The following USP24 variants were observed in gnomAD, a reference collection of about 807,000 sequenced individuals.
USP24 encodes the protein ubiquitin carboxyl-terminal hydrolase 24.
A neutral mutation model predicts 361.6 loss-of-function variants in USP24; 97 were observed. The ratio of observed to expected loss-of-function variants is 0.27; its 90% CI spans 0.23 to 0.32. USP24 has a LOEUF of 0.32. Among genes scored for constraint, USP24 ranks in the 10% least tolerant of loss-of-function variants. The probability of loss-of-function intolerance (pLI) is 1.00; values close to 1 mark genes in which losing one functional copy is unlikely to be tolerated. For missense variants in USP24, 2,353 were observed against 3,165.6 expected (o/e 0.74, Z 6.16); for synonymous variants, 1,098 against 1,124.6 (o/e 0.98, Z 0.47).
chr1:55,203,946 C>G (rs1304689912), intron 1 of USP24, among the ~76,000 whole-genome samples: 1 of 151,984 alleles, frequency 6.6e-6, no homozygotes, highest in Non-Finnish European at 1.5e-5. Flanking sequence ...TAGCTGTTAA[C>G]TAGAGAATTA....
chr1:55,165,598 T>A (rs1245508529), intron 7 of USP24, among the ~76,000 whole-genome samples: 1 of 152,112 alleles, frequency 6.6e-6, no homozygotes, highest in African/African-American at 2.4e-5. Context: ...ACTTGCCACA[T>A]ATAGCAACCA....
At chr1:55,176,736 T>G (rs1440825485) in intron 2 of USP24, among the ~76,000 whole-genome samples, 1 of 151,998 alleles carries the variant, frequency 6.6e-6, no homozygotes, top group Non-Finnish European at 1.5e-5. Flanking sequence ...CATGTCAGAG[T>G]AACTTCAATG....
chr1:55,215,061 G>T lies in USP24; in HGVS notation c.53C>A (p.Ser18Ter). 1 of 1,459,282 alleles carries T rather than the reference G, an allele frequency of 6.9e-7. No individual in the cohort carries two copies. Among genetic ancestry groups the T allele is most frequent in the Non-Finnish European group, 9.1e-7 (1 of 1,102,160 alleles). The allele number at this position is 1,459,282 out of a possible 1,614,324, so 90.4% of individuals were successfully genotyped here. A position where few individuals can be genotyped will look rare whatever the true frequency, so the allele number is the denominator to read the frequency against. ...GGCCTTGCGGATGGTGGCGGGGTCT[G>T]AGAAGCCCATGCACAGCAGCGTGGT... ...HMTTLLCMGF[S>*]DPATIRKALR... Residue 18 changes from serine to a stop codon, truncating the protein, a stop_gained, in exon 1 of 68, where the codon TCA becomes TAA. Coordinates refer to ENST00000294383, the MANE Select transcript of USP24 (RefSeq NM_015306.3). LOFTEE classifies it high-confidence loss of function.
chr1:55,164,231 A>C (rs1648588567), intron 7 of USP24, among the ~76,000 whole-genome samples: 1 of 151,628 alleles, frequency 6.6e-6, no homozygotes, highest in Non-Finnish European at 1.5e-5. Flanking sequence ...TTAGGAGAAA[A>C]AGAGAGAGAG....
intron 2 of USP24, among the ~76,000 whole-genome samples, chr1:55,177,380 C>T (rs970462562): frequency 1.3e-5 from 2 of 152,044 alleles, no homozygotes; most frequent in African/African-American, 4.8e-5. Flanking sequence ...TTTTCAGACC[C>T]ACTGCCTAGC....
chr1:55,181,765 G>A (rs1486572465), intron 1 of USP24, among the ~76,000 whole-genome samples: 1 of 152,202 alleles, frequency 6.6e-6, no homozygotes, highest in African/African-American at 2.4e-5. Context: ...CATCATCAGT[G>A]TTAAGGACTG....
rs189914102 is a variant in USP24 at position 55,117,928 on chromosome 1, T to G, written c.4508+2668A>C. On this transcript the variant is annotated intron_variant, in intron 38 of 67. Coordinates refer to ENST00000294383, the MANE Select transcript of USP24 (RefSeq NM_015306.3). ...AATAATAAAATACTTAGGAACCAACTTAAGGAAACAAAAGACTTGTACAGT... is the reference window on the plus strand; with the variant it reads ...AATAATAAAATACTTAGGAACCAACGTAAGGAAACAAAAGACTTGTACAGT... 4.4e-4 allele frequency among the ~76,000 whole-genome samples: 67 copies of G among 152,096 alleles called. No individual in the cohort carries two copies. In the East Asian group the frequency reaches 0.012, roughly 28 times the overall value.
At chr1:55,104,184 C>T (rs1645713686) in intron 41 of USP24, among the ~76,000 whole-genome samples, 164 bp from the exon 42 acceptor site, 1 of 152,126 alleles carries the variant, frequency 6.6e-6, no homozygotes, top group Admixed American at 6.5e-5. Flanking sequence ...GTCATGAATA[C>T]AGGAGGAATT....
At chr1:55,172,252 GA>G (rs1649529251) in intron 4 of USP24, 124 bp downstream of exon 4, 3 of 929,098 alleles carry the variant, frequency 3.2e-6, no homozygotes, top group Non-Finnish European at 4.4e-6. Context: ...AAAGACAAAG[GA>G]TCCTAACAGC....
At chr1:55,206,101 T>C (rs1457718734) in intron 1 of USP24, among the ~76,000 whole-genome samples, 1 of 152,210 alleles carries the variant, frequency 6.6e-6, no homozygotes, top group Non-Finnish European at 1.5e-5. Context: ...CTCTTTCAAA[T>C]ACCATGAGAC....
chr1:55,097,306 T>TA (rs551651792), intron 48 of USP24, 134 bp from the exon 49 acceptor site: 1 of 1,135,772 alleles, frequency 8.8e-7, no homozygotes, highest in Non-Finnish European at 1.2e-6. Flanking sequence ...AGTTCAAGTA[T>TA]AAAATCTCAG....
At chr1:55,082,505 G>A (rs1378354469) in intron 58 of USP24, among the ~76,000 whole-genome samples, 2 of 152,208 alleles carry the variant, frequency 1.3e-5, no homozygotes, top group African/African-American at 4.8e-5. Flanking sequence ...AGGAGAGTTG[G>A]TTTTGGACAT....
At chr1:55,147,313 T>G (rs1317824155) in intron 18 of USP24, among the ~76,000 whole-genome samples, 1 of 152,154 alleles carries the variant, frequency 6.6e-6, no homozygotes, top group Non-Finnish European at 1.5e-5. Context: ...AATCTCAAAG[T>G]AAAACACTAC....
At chr1:55,083,413 A>C in intron 57 of USP24, 49 bp from the exon 58 acceptor site, 1 of 1,588,538 alleles carries the variant, frequency 6.3e-7, no homozygotes, top group Non-Finnish European at 8.6e-7. Context: ...TCCAGACAAA[A>C]ATTGGTTTTA....
chr1:55,158,944 T>A lies in USP24; in HGVS notation c.1161A>T (p.Arg387=). Residue 387 remains arginine (R), a synonymous_variant, in exon 10 of 68, where the codon CGA becomes CGT. Transcript: ENST00000294383. The stretch of plus-strand genomic sequence containing the variant: ...TCAGCATGCGCAATAGAATATCTAG[T>A]CGAAGGTCATCCACAATTGTCACCA... ...PDLVTIVDDL[R]LDILLRMLKS... 6.2e-7 allele frequency: 1 copy of A among 1,601,136 alleles called. No homozygotes were observed. Among genetic ancestry groups the A allele is most frequent in the East Asian group, 2.2e-5 (1 of 44,464 alleles).
chr1:55,089,594 A>T lies in USP24; in HGVS notation c.6668+33T>A, dbSNP rs780571219. ...GCTCTAAATCACTGGAAGAGACACAAATTTCTTTTAATTAAAAGACTCCAA... is the reference window on the plus strand; with the variant it reads ...GCTCTAAATCACTGGAAGAGACACATATTTCTTTTAATTAAAAGACTCCAA... On this transcript the variant is annotated intron_variant, in intron 55 of 67. Coordinates refer to ENST00000294383, the MANE Select transcript of USP24 (RefSeq NM_015306.3). 7 of 1,451,616 alleles carry T rather than the reference A, an allele frequency of 4.8e-6. 1 individual carries two copies. The Admixed American group carries it at 1.6e-4, about 32-fold the overall frequency. The allele number at this position is 1,451,616 out of a possible 1,614,324, so 89.9% of individuals were successfully genotyped here. A position where few individuals can be genotyped will look rare whatever the true frequency, so the allele number is the denominator to read the frequency against.
intron 3 of USP24, 57 bp downstream of exon 3, chr1:55,176,319 T>C (rs993483286): frequency 6.9e-7 from 1 of 1,449,550 alleles, no homozygotes; most frequent in Admixed American, 2.4e-5. Context: ...CTTCTCTTCC[T>C]TCACCCTGCC....
chr1:55,075,658 AACAACAACACCACCACC>A (rs1484267798), intron 62 of USP24, 135 bp from the exon 63 acceptor site: 165 of 491,406 alleles, frequency 3.4e-4, no homozygotes, highest in East Asian at 1.5e-3. Flanking sequence ...CAACAACAAC[AACAACAACACCACCACC>A]ACCAATACAG....
chr1:55,206,267 AAC>A (rs1644700550), intron 1 of USP24, among the ~76,000 whole-genome samples: 3 of 152,216 alleles, frequency 2.0e-5, no homozygotes, highest in South Asian at 2.1e-4. Context: ...CACACATGCA[AAC>A]ACAGAAAATT....
Sources: allele counts gnomAD v4.1 joint callset (sites outside exome capture counted in the v4.1 genomes callset), GRCh38; gene constraint gnomAD v4.1.1; transcripts MANE v1.5; gene names NCBI Gene and HGNC (gene_info 2026-07-23, HGNC 2026-07-21).